REPS2: variants seen among roughly 807,000 people sequenced by gnomAD.
REPS2 encodes RALBP1 associated Eps domain containing 2, also known as ralBP1-associated Eps domain-containing protein 2.
Under a neutral mutation model 53.6 loss-of-function variants are expected in REPS2, and 23 were observed. The ratio of observed to expected loss-of-function variants is 0.43; its 90% confidence interval spans 0.31 to 0.61. REPS2 has a LOEUF of 0.61. Ranked by LOEUF, REPS2 falls within the 20% of genes least tolerant of loss-of-function variation. The pLI, the probability that REPS2 is intolerant of heterozygous loss-of-function variation, is 0.11. For synonymous variants in REPS2, 238 were observed against 218.6 expected, an observed-to-expected ratio of 1.09 and a Z score of -0.78; for missense variants, 446 against 534.9, an observed-to-expected ratio of 0.83 and a Z score of 1.64.
chrX:17,133,160 G>T (rs1454731031), intron 14 of REPS2, among the ~76,000 whole-genome samples: 1 of 110,558 alleles, frequency 9.0e-6, no homozygotes, highest in African/African-American at 3.3e-5. Context: ...TCCCTTCTTT[G>T]CAGGGGCCTC....
At chrX:17,172,300 G>A in the REPS2 span, among the ~76,000 whole-genome samples, 840 of 111,430 alleles carry the variant, frequency 7.5e-3, 10 homozygotes, top group African/African-American at 0.026. Flanking sequence ...TTGAGGGAGG[G>A]ACCTGGTGGG....
At chrX:17,117,457 A>G (rs1340289462) in intron 14 of REPS2, among the ~76,000 whole-genome samples, 1 of 108,895 alleles carries the variant, frequency 9.2e-6, no homozygotes, top group African/African-American at 3.4e-5. Flanking sequence ...CCAGTGTGTG[A>G]TGTTCCCCTT....
At chrX:16,995,581 C>T (rs1394061662) in intron 1 of REPS2, among the ~76,000 whole-genome samples, 1 of 112,090 alleles carries the variant, frequency 8.9e-6, no homozygotes. Flanking sequence ...AAATGTTGAT[C>T]ATTTCCCTCA....
chrX:17,047,268 C>G, intron 5 of REPS2, 79 bp from the exon 6 acceptor site: 1 of 1,081,011 alleles, frequency 9.3e-7, no homozygotes, highest in South Asian at 1.9e-5. Context: ...CACATGATAA[C>G]TTTTATTGGT....
intron 14 of REPS2, among the ~76,000 whole-genome samples, chrX:17,116,252 C>T (rs1212062117): frequency 1.8e-5 from 2 of 110,023 alleles, no homozygotes; most frequent in Non-Finnish European, 3.8e-5. Context: ...TGCTCTGTCA[C>T]CCAGGCTGTG....
chrX:16,958,357 A>G (rs1038022707), intron 1 of REPS2, among the ~76,000 whole-genome samples: 44 of 111,875 alleles, frequency 3.9e-4, no homozygotes, highest in African/African-American at 1.3e-3. Flanking sequence ...ACAGTCTAGG[A>G]TCAAGGATAA....
intron 13 of REPS2, among the ~76,000 whole-genome samples, chrX:17,088,081 C>G (rs1222193750): frequency 1.8e-5 from 2 of 111,016 alleles, no homozygotes; most frequent in Non-Finnish European, 3.8e-5. Flanking sequence ...TTTGTATTCT[C>G]TCTCTCTCCC....
At chrX:16,990,988 A>G (rs777638109) in intron 1 of REPS2, among the ~76,000 whole-genome samples, 1 of 110,846 alleles carries the variant, frequency 9.0e-6, no homozygotes, top group Non-Finnish European at 1.9e-5. Context: ...TATGAAATGG[A>G]GCCACGTGGG....
At chrX:17,034,932 G>A (rs1252425078) in intron 5 of REPS2, among the ~76,000 whole-genome samples, 2 of 110,953 alleles carry the variant, frequency 1.8e-5, no homozygotes, top group African/African-American at 6.6e-5. Context: ...ATCTCGAAGT[G>A]CATAACTTGA....
At chrX:17,017,827 A>G (rs1405886382) in intron 2 of REPS2, among the ~76,000 whole-genome samples, 1 of 111,606 alleles carries the variant, frequency 9.0e-6, no homozygotes, top group Non-Finnish European at 1.9e-5. Flanking sequence ...AGCACATAAA[A>G]TGTGACAAGC....
intron 2 of REPS2, among the ~76,000 whole-genome samples, chrX:17,019,247 A>G (rs1456881866): frequency 2.7e-5 from 3 of 112,621 alleles, no homozygotes; most frequent in Non-Finnish European, 3.7e-5. Flanking sequence ...TATGTTTAAT[A>G]TACAAAGCAT....
At chrX:17,169,917 T>A in the REPS2 span, among the ~76,000 whole-genome samples, 1 of 111,489 alleles carries the variant, frequency 9.0e-6, no homozygotes, top group Non-Finnish European at 1.9e-5. Flanking sequence ...CCCTCCAAGC[T>A]CTCCCTCTGT....
the REPS2 span, among the ~76,000 whole-genome samples, chrX:17,172,496 C>A: frequency 2.3e-4 from 26 of 112,051 alleles, no homozygotes; most frequent in East Asian, 6.4e-3. Flanking sequence ...CTAAGGCCTC[C>A]TAGCCATGCT....
chrX:16,989,399 C>G (rs1450879978), intron 1 of REPS2, among the ~76,000 whole-genome samples: 2 of 111,305 alleles, frequency 1.8e-5, no homozygotes, highest in African/African-American at 6.5e-5. Context: ...GTTCTTAGAC[C>G]TGACACCAAA....
chrX:16,955,216 CTAT>C (rs2060579054), intron 1 of REPS2, among the ~76,000 whole-genome samples: 1 of 111,147 alleles, frequency 9.0e-6, no homozygotes, highest in Middle Eastern at 4.2e-3. Flanking sequence ...TGATGGCATT[CTAT>C]TATTCATACC....
rs766553643 is a variant in REPS2 at position 17,041,533 on chromosome X, A to T, written c.772-5814A>T. On this transcript the variant is annotated intron_variant, in intron 5 of 17. Transcript: ENST00000357277. ...CTTTACAGTAGTCAAGTCTTCTCAC[A>T]TCTTTGCTAATGAGATCGTTTTGAT... Among the ~76,000 whole-genome samples the T allele has an allele frequency of 1.8e-4, 20 of 112,154 alleles. No individual in the cohort carries two copies. In the East Asian group the frequency reaches 5.7e-3, roughly 32 times the overall value.
chrX:17,097,455 C>G lies in REPS2; in HGVS notation c.1517-6263C>G, dbSNP rs188096417. Among the ~76,000 whole-genome samples, 58 of 111,596 alleles carry G rather than the reference C, an allele frequency of 5.2e-4. 1 individual carries two copies. In the Admixed American group the frequency reaches 5.3e-3, roughly 10 times the overall value. ...CCTATGATATTCTACTAAAGAGGTA[C>G]TTGGAAAAAATTTATAACCCTAAAT... is the stretch of plus-strand genomic sequence containing the variant. On this transcript the variant is annotated intron_variant, in intron 13 of 17. Transcript: ENST00000357277.
At chrX:16,953,361 CTG>C (rs918664897) in intron 1 of REPS2, among the ~76,000 whole-genome samples, 4 of 111,401 alleles carry the variant, frequency 3.6e-5, no homozygotes, top group Admixed American at 2.9e-4. Flanking sequence ...CAAGAAATAA[CTG>C]TGTATCCACC....
At chrX:17,172,526 C>A in the REPS2 span, among the ~76,000 whole-genome samples, 3 of 111,996 alleles carry the variant, frequency 2.7e-5, no homozygotes, top group Non-Finnish European at 5.6e-5. Flanking sequence ...GCCTGTAGAA[C>A]CATGAGCCAA....
Sources: allele counts gnomAD v4.1 joint callset (sites outside exome capture counted in the v4.1 genomes callset), GRCh38; gene constraint gnomAD v4.1.1; transcripts MANE v1.5; gene names NCBI Gene and HGNC (gene_info 2026-07-23, HGNC 2026-07-21).